The following CDK5RAP2 variants were observed in gnomAD, a reference collection of about 807,000 sequenced individuals.
CDK5RAP2 encodes the protein CDK5 regulatory subunit-associated protein 2.
Under a neutral mutation model 232.9 loss-of-function variants are expected in CDK5RAP2, and 147 were observed. The observed-to-expected ratio is 0.63, with a 90% CI of 0.55 to 0.72. The LOEUF is 0.72. CDK5RAP2 is among the 30% of genes least tolerant of loss of function. The probability of loss-of-function intolerance (pLI) is 0.00; values close to 1 mark genes in which losing one functional copy is unlikely to be tolerated. For synonymous variants in CDK5RAP2, 833 were observed against 833.7 expected, an observed-to-expected ratio of 1.00 and a Z score of 0.01; for missense variants, 2,195 against 2,231.5, an observed-to-expected ratio of 0.98 and a Z score of 0.33.
chr9:120,575,553 T>A (rs1244624092), intron 1 of CDK5RAP2, among the ~76,000 whole-genome samples: 1 of 152,092 alleles, frequency 6.6e-6, no homozygotes, highest in Non-Finnish European at 1.5e-5. Context: ...TTCATGAGAG[T>A]CATGGATGAG....
chr9:120,401,059 A>G (rs1564169862), intron 34 of CDK5RAP2, 174 bp from the exon 35 acceptor site: 2 of 642,382 alleles, frequency 3.1e-6, no homozygotes, highest in African/African-American at 1.8e-5. Flanking sequence ...TGAATTGTAG[A>G]TTATGAGAGA....
intron 3 of CDK5RAP2, among the ~76,000 whole-genome samples, chr9:120,551,719 C>A (rs10818464): frequency 0.66 from 99,652 of 152,040 alleles, 33,469 homozygotes; most frequent in Non-Finnish European, 0.73. Flanking sequence ...GGCATGACTA[C>A]TAAGTACAAT....
intron 20 of CDK5RAP2, among the ~76,000 whole-genome samples, chr9:120,454,429 T>A (rs1320327567): frequency 6.6e-6 from 1 of 152,256 alleles, no homozygotes; most frequent in African/African-American, 2.4e-5. Flanking sequence ...GCTCTGAAGA[T>A]GGATACAAAT....
intron 32 of CDK5RAP2, among the ~76,000 whole-genome samples, chr9:120,405,561 T>C (rs543581698): frequency 6.6e-6 from 1 of 152,292 alleles, no homozygotes; most frequent in African/African-American, 2.4e-5. Context: ...AAGGGCCAGG[T>C]GCAGACCCGT....
At chr9:120,516,355 G>A (rs985686941) in intron 12 of CDK5RAP2, among the ~76,000 whole-genome samples, 26 of 132,252 alleles carry the variant, frequency 2.0e-4, no homozygotes, top group African/African-American at 5.5e-4. Flanking sequence ...ATCACACTCC[G>A]GGGACTGTTG....
chr9:120,439,499 CCTCCAGCTGCTGTTTGAGGTT>C lies in CDK5RAP2; in HGVS notation c.3601_3621del (p.Asn1201_Glu1207del). 1.2e-6 allele frequency: 2 copies of C among 1,614,204 alleles called. No homozygotes were observed. Among genetic ancestry groups the C allele is most frequent in the South Asian group, 2.2e-5 (2 of 91,086 alleles). Reference sequence around the variant, plus strand: ...TCCTTCTGCAGCTTGTATTCCTGTTCCTCCAGCTGCTGTTTGAGGTTCTCCAGCACCCTGCTGTCAATCATC... The same window carrying C: ...TCCTTCTGCAGCTTGTATTCCTGTTCCTCCAGCACCCTGCTGTCAATCATC... On this transcript the variant is annotated inframe_deletion, in exon 24 of 38. Transcript: ENST00000349780.
intron 20 of CDK5RAP2, among the ~76,000 whole-genome samples, chr9:120,457,450 T>A (rs2036844579): frequency 6.6e-6 from 1 of 152,242 alleles, no homozygotes; most frequent in African/African-American, 2.4e-5. Context: ...AAGCACCAAC[T>A]ACTACGGTCA....
At chr9:120,545,545 A>G (rs1425317401) in intron 5 of CDK5RAP2, among the ~76,000 whole-genome samples, 169 bp downstream of exon 5, 2 of 152,234 alleles carry the variant, frequency 1.3e-5, no homozygotes, top group Non-Finnish European at 2.9e-5. Context: ...TAAGCATGGT[A>G]TATCTTAAAA....
chr9:120,567,073 A>C (rs911206371), intron 3 of CDK5RAP2, among the ~76,000 whole-genome samples: 1 of 152,246 alleles, frequency 6.6e-6, no homozygotes, highest in African/African-American at 2.4e-5. Flanking sequence ...AGAGCTCAAT[A>C]AACAGTAGCT....
chr9:120,550,181 G>C (rs762928467), intron 4 of CDK5RAP2, among the ~76,000 whole-genome samples: 4 of 152,192 alleles, frequency 2.6e-5, no homozygotes, highest in Non-Finnish European at 5.9e-5. Flanking sequence ...TGCAGGTCAA[G>C]ACTTCAAATG....
chr9:120,540,853 C>T (rs921481104), intron 5 of CDK5RAP2, among the ~76,000 whole-genome samples: 2 of 152,256 alleles, frequency 1.3e-5, no homozygotes, highest in African/African-American at 4.8e-5. Context: ...ACAGCACTGG[C>T]TCCTGCTGAG....
At position 120,530,030 on chromosome 9, in the gene CDK5RAP2, T is replaced by C. The variant is rs2041078139; in HGVS notation, c.773A>G (p.Glu258Gly). Residue 258 changes from glutamate (E) to glycine (G), a missense_variant, in exon 8 of 38, where the codon GAG (glutamate) becomes GGG (glycine). Transcript: ENST00000349780. ...TGGAGCAGCACAAAGTCCTCGGAGC[T>C]CTCCAGATGACACATTCTCATCAGG... ...ACPDENVSSGELRGLCAAPRE... is the reference protein window; with the variant it reads ...ACPDENVSSGGLRGLCAAPRE... The C allele has an allele frequency of 6.2e-7, 1 of 1,614,016 alleles. No individual in the cohort carries two copies. Among genetic ancestry groups the C allele is most frequent in the Non-Finnish European group, 8.5e-7 (1 of 1,179,916 alleles).
Position 120,453,499 on chromosome 9 carries a change from C to A in CDK5RAP2, c.2750G>T (p.Gly917Val), listed in dbSNP as rs1310981739. ...GAGGGAAAGGAGGGCAGCCTGCCAC[C>A]CAGGCACCCCGTGCAGGTTCTCTGG... ...HRPENLHGVP[G>V]WQAALLSLPG... The change falls in exon 21 of 38, where the codon GGG becomes GTG. Residue 917 changes from glycine to valine, a missense_variant. Physicochemically the swap from Gly to Val is moderately radical, Grantham distance 109. Coordinates refer to ENST00000349780, the MANE Select transcript of CDK5RAP2 (RefSeq NM_018249.6). 6.2e-7 allele frequency: 1 copy of A among 1,613,442 alleles called. No individual in the cohort carries two copies. Among genetic ancestry groups the A allele is most frequent in the African/African-American group, 1.3e-5 (1 of 75,042 alleles).
intron 18 of CDK5RAP2, among the ~76,000 whole-genome samples, chr9:120,463,589 C>G (rs2037210127): frequency 6.6e-6 from 1 of 152,114 alleles, no homozygotes; most frequent in Admixed American, 6.5e-5. Context: ...GAAGCTCCTC[C>G]CAGACTCCTG....
At chr9:120,541,817 G>T (rs1292532379) in intron 5 of CDK5RAP2, among the ~76,000 whole-genome samples, 1 of 152,240 alleles carries the variant, frequency 6.6e-6, no homozygotes, top group African/African-American at 2.4e-5. Flanking sequence ...AAGGATCTCA[G>T]TAAGTGTTAG....
At chr9:120,536,058 T>G (rs2041372153) in intron 7 of CDK5RAP2, among the ~76,000 whole-genome samples, 1 of 152,178 alleles carries the variant, frequency 6.6e-6, no homozygotes, top group Non-Finnish European at 1.5e-5. Context: ...GTCTCTACCC[T>G]TTTTCCTTTG....
At chr9:120,420,772 A>G (rs1254567195) in intron 26 of CDK5RAP2, among the ~76,000 whole-genome samples, 1 of 152,260 alleles carries the variant, frequency 6.6e-6, no homozygotes, top group Non-Finnish European at 1.5e-5. Context: ...ATTAACAGGT[A>G]AACACCTGAT....
chr9:120,444,704 T>C (rs2036086524), intron 22 of CDK5RAP2, among the ~76,000 whole-genome samples: 2 of 152,216 alleles, frequency 1.3e-5, no homozygotes, highest in Non-Finnish European at 2.9e-5. Flanking sequence ...ATAAAATCCA[T>C]ACAAGAAGTA....
At chr9:120,556,244 CATTTT>C (rs1433618709) in intron 3 of CDK5RAP2, among the ~76,000 whole-genome samples, 3 of 152,098 alleles carry the variant, frequency 2.0e-5, no homozygotes, top group Non-Finnish European at 2.9e-5. Flanking sequence ...AAAATTGGTG[CATTTT>C]ATTTTATGTA....
Sources: allele counts gnomAD v4.1 joint callset (sites outside exome capture counted in the v4.1 genomes callset), GRCh38; gene constraint gnomAD v4.1.1; transcripts MANE v1.5; gene names NCBI Gene and HGNC (gene_info 2026-07-23, HGNC 2026-07-21).